DGKG: variants seen among roughly 807,000 people sequenced by gnomAD.
DGKG encodes the protein DAG kinase gamma.
In DGKG, 78 loss-of-function variants were observed where a neutral mutation model predicts 105.3. The ratio of observed to expected loss-of-function variants is 0.74; its 90% CI spans 0.62 to 0.89. DGKG has a LOEUF of 0.89. Ranked by LOEUF, DGKG falls within the 40% of genes least tolerant of loss-of-function variation. The pLI is 0.00. For missense variants in DGKG, 958 were observed against 1,020.1 expected (o/e 0.94, Z 0.83); for synonymous variants, 346 against 367.1 (o/e 0.94, Z 0.66).
rs1286262199 is a variant in DGKG, at chr3:186,225,353, GGAGAT to G, written c.1827-13473_1827-13469del. On this transcript the variant is annotated intron_variant, in intron 20 of 24. Coordinates refer to ENST00000265022, the MANE Select transcript of DGKG (RefSeq NM_001346.3). ...AGCCCATTCATTCTCTCCTTTGGCA[GGAGAT>G]CAGTTCACATTTATAGCACCAATAA... Among the ~76,000 whole-genome samples, 579 of 152,152 alleles carry G rather than the reference GGAGAT, an allele frequency of 3.8e-3. 4 individuals are homozygous for G. Among genetic ancestry groups the G allele is most frequent in the African/African-American group, 0.012 (491 of 41,488 alleles).
chr3:186,230,765 C>T (rs944004498), intron 20 of DGKG, among the ~76,000 whole-genome samples: 7 of 152,064 alleles, frequency 4.6e-5, no homozygotes, highest in African/African-American at 1.4e-4. Flanking sequence ...AGGAGGCAAG[C>T]GGTCTCACAA....
chr3:186,171,216 T>C (rs541747602), intron 22 of DGKG, among the ~76,000 whole-genome samples: 14 of 152,378 alleles, frequency 9.2e-5, no homozygotes, highest in South Asian at 2.1e-4. Context: ...GTTTTGTTTA[T>C]CTTTGTATCT....
Position 186,284,258 on chromosome 3 carries a change from C to T in DGKG, c.594+402G>A, listed in dbSNP as rs1395271555. Among the ~76,000 whole-genome samples, 1 of 152,096 alleles carries T rather than the reference C, an allele frequency of 6.6e-6. No homozygotes were observed. Among genetic ancestry groups the T allele is most frequent in the Admixed American group, 6.5e-5 (1 of 15,274 alleles). On this transcript the variant is annotated intron_variant, in intron 7 of 24. Coordinates refer to ENST00000265022, the MANE Select transcript of DGKG (RefSeq NM_001346.3). This position sits in a 1 kb window ranked among gnomAD's most constrained non-coding sequence, Gnocchi z 4.0. ...ACCAGCAGCCTCCTTCCTTGCACAT[C>T]AACAGTAACCAGCAGCCTCCTTCCT...
At chr3:186,351,213 CAT>C (rs1430457060) in intron 1 of DGKG, among the ~76,000 whole-genome samples, 1 of 152,154 alleles carries the variant, frequency 6.6e-6, no homozygotes, top group African/African-American at 2.4e-5. Flanking sequence ...GAACGTCTGA[CAT>C]GTGGATTATA....
At chr3:186,237,132 C>A (rs1478988381) in intron 20 of DGKG, among the ~76,000 whole-genome samples, 1 of 152,094 alleles carries the variant, frequency 6.6e-6, no homozygotes, top group Non-Finnish European at 1.5e-5. Context: ...ACTGAGAGTC[C>A]CTCTCCTTCT....
At chr3:186,299,404 A>G (rs925894710) in intron 3 of DGKG, among the ~76,000 whole-genome samples, 39 of 152,202 alleles carry the variant, frequency 2.6e-4, no homozygotes, top group African/African-American at 9.2e-4. Flanking sequence ...AAAGCGAGTA[A>G]TGGCCTCCCC....
intron 10 of DGKG, among the ~76,000 whole-genome samples, chr3:186,273,795 G>C (rs1560127766): frequency 6.6e-6 from 1 of 152,204 alleles, no homozygotes; most frequent in Non-Finnish European, 1.5e-5. Flanking sequence ...GTTGGATAAA[G>C]CACTTCAGCC....
Position 186,284,572 on chromosome 3 carries a change from C to T in DGKG, c.594+88G>A, listed in dbSNP as rs915998412. The T allele has an allele frequency of 8.5e-7, 1 of 1,175,368 alleles. No homozygotes were observed. Among genetic ancestry groups the T allele is most frequent in the Non-Finnish European group, 1.3e-6 (1 of 783,846 alleles). The allele number at this position is 1,175,368 out of a possible 1,614,324, so 72.8% of individuals were successfully genotyped here. ...CATTGCTATTACTACAAAGACGGAA[C>T]TGAACATTTTCAGATTCTTCCTCTG... On this transcript the variant is annotated intron_variant, in intron 7 of 24. Coordinates refer to ENST00000265022, the MANE Select transcript of DGKG (RefSeq NM_001346.3). The surrounding 1 kb of genome is among the most constrained non-coding windows in gnomAD (Gnocchi z 4.0).
In DGKG at chr3:186,261,769, TGA is replaced by T. The variant is rs1467600092; in HGVS notation, c.1277_1278del (p.Ile426AsnfsTer55). 1 of 1,601,442 alleles carries T rather than the reference TGA, an allele frequency of 6.2e-7. No individual in the cohort carries two copies. The highest frequency in any genetic ancestry group is 8.5e-7 in the Non-Finnish European group (1 of 1,173,186). ...AGGGGGTGGGTACCCGGGGTGGGGA[TGA>T]TCTTATACTTGAAAGGTAAAAGAAA... The part of the protein sequence containing the change: ...AKGELVMQYK[I>X]IPTPGTHPLL... On this transcript the variant is annotated frameshift_variant, in exon 15 of 25. Coordinates refer to ENST00000265022, the MANE Select transcript of DGKG (RefSeq NM_001346.3). LOFTEE classifies it high-confidence loss of function.
intron 1 of DGKG, among the ~76,000 whole-genome samples, chr3:186,344,092 C>A (rs148960783): frequency 3.9e-4 from 59 of 152,234 alleles, no homozygotes; most frequent in Admixed American, 1.1e-3. Context: ...AAAACAGATG[C>A]TAGTAAGGTT....
At chr3:186,232,563 G>C (rs1720205846) in intron 20 of DGKG, among the ~76,000 whole-genome samples, 1 of 151,922 alleles carries the variant, frequency 6.6e-6, no homozygotes, top group Non-Finnish European at 1.5e-5. Context: ...CACCAAAATG[G>C]CAATATTGTG....
intron 22 of DGKG, among the ~76,000 whole-genome samples, chr3:186,177,403 A>C (rs897573145): frequency 2.6e-5 from 4 of 152,132 alleles, no homozygotes; most frequent in African/African-American, 9.7e-5. Context: ...CATCTTGTTC[A>C]TTCATTTGTT....
At chr3:186,250,277 G>A (rs528604752) in intron 19 of DGKG, among the ~76,000 whole-genome samples, 6 of 152,218 alleles carry the variant, frequency 3.9e-5, no homozygotes, top group East Asian at 1.9e-4. Flanking sequence ...GGAGCTGAAC[G>A]ATGAGAACAC....
intron 1 of DGKG, among the ~76,000 whole-genome samples, chr3:186,327,896 G>GA (rs1049414132): frequency 6.6e-6 from 1 of 151,848 alleles, no homozygotes; most frequent in Non-Finnish European, 1.5e-5. Flanking sequence ...TGGCCTCCAG[G>GA]AAAAAAAGAG....
chr3:186,204,818 A>G (rs934710814), intron 21 of DGKG, among the ~76,000 whole-genome samples: 1 of 152,114 alleles, frequency 6.6e-6, no homozygotes, highest in Non-Finnish European at 1.5e-5. Context: ...CTATAAATGC[A>G]TTTTCGGATT....
intron 21 of DGKG, among the ~76,000 whole-genome samples, chr3:186,204,273 G>T (rs1718615750): frequency 6.6e-6 from 1 of 152,144 alleles, no homozygotes; most frequent in Non-Finnish European, 1.5e-5. Flanking sequence ...AGGCATTGTG[G>T]TGTGTGCCTG....
chr3:186,328,491 T>G (rs1725450128), intron 1 of DGKG, among the ~76,000 whole-genome samples: 2 of 152,052 alleles, frequency 1.3e-5, no homozygotes, highest in Non-Finnish European at 2.9e-5. Flanking sequence ...TTGCTATAAC[T>G]CAACAAATAT....
chr3:186,308,995 A>T (rs77006535), intron 2 of DGKG, among the ~76,000 whole-genome samples: 1 of 152,226 alleles, frequency 6.6e-6, no homozygotes, highest in Non-Finnish European at 1.5e-5. Flanking sequence ...GTTGTAACTC[A>T]GGTCTAGTCT....
At chr3:186,206,468 G>A (rs1393020909) in intron 21 of DGKG, among the ~76,000 whole-genome samples, 1 of 152,070 alleles carries the variant, frequency 6.6e-6, no homozygotes, top group Non-Finnish European at 1.5e-5. Context: ...TCTACAAAAT[G>A]TAAAATAAGT....
Sources: allele counts gnomAD v4.1 joint callset (sites outside exome capture counted in the v4.1 genomes callset), GRCh38; gene constraint gnomAD v4.1.1; non-coding constraint Gnocchi (gnomAD v3.1); transcripts MANE v1.5; gene names NCBI Gene and HGNC (gene_info 2026-07-23, HGNC 2026-07-21).